The following AGFG2 variants were observed in gnomAD, a reference collection of about 807,000 sequenced individuals.
AGFG2 encodes ArfGAP with FG repeats 2.
In AGFG2, 31 loss-of-function variants were observed where a neutral mutation model predicts 48.0. That is an observed-to-expected ratio of 0.65 (90% confidence interval 0.49 to 0.87). AGFG2 has a LOEUF of 0.87. Among genes scored for constraint, AGFG2 ranks in the 40% least tolerant of loss-of-function variants. AGFG2 has a pLI of 0.00. For synonymous variants in AGFG2, 229 were observed against 260.8 expected, an observed-to-expected ratio of 0.88 and a Z score of 1.18; for missense variants, 599 against 632.6, an observed-to-expected ratio of 0.95 and a Z score of 0.57.
chr7:100,553,581 A>C (rs1383442307), intron 4 of AGFG2, 81 bp downstream of exon 4: 2 of 1,497,078 alleles, frequency 1.3e-6, no homozygotes, highest in African/African-American at 2.8e-5. Flanking sequence ...GATTCCCCGG[A>C]CTTAGCAGAC....
At chr7:100,556,497 G>T in intron 6 of AGFG2, 1 of 1,092,904 alleles carries the variant, frequency 9.1e-7, no homozygotes, top group Non-Finnish European at 1.2e-6. Flanking sequence ...TGCAGTGCTC[G>T]CCGTCAGGCT....
intron 11 of AGFG2, 27 bp downstream of exon 11, chr7:100,564,330 G>C (rs1168668330): frequency 4.4e-6 from 7 of 1,600,264 alleles, no homozygotes. Flanking sequence ...GGGTGCTGTG[G>C]TAGGGCTCGT....
intron 6 of AGFG2, chr7:100,556,189 C>A: frequency 4.9e-6 from 1 of 202,174 alleles, no homozygotes; most frequent in African/African-American, 2.3e-5. Flanking sequence ...ATGGCTCACG[C>A]CTGCAATCCT....
intron 6 of AGFG2, 168 bp downstream of exon 6, chr7:100,555,903 G>A (rs1800751191): frequency 1.1e-6 from 1 of 902,534 alleles, no homozygotes; most frequent in Admixed American, 2.7e-5. Context: ...TTCTTGTCAG[G>A]GAGAGGGGGC....
intron 3 of AGFG2, 145 bp from the exon 4 acceptor site, chr7:100,553,202 T>C (rs1562792787): frequency 2.9e-6 from 3 of 1,047,082 alleles, no homozygotes; most frequent in Non-Finnish European, 2.8e-6. Flanking sequence ...AGAACTTTGC[T>C]AAGTTGCTCG....
At chr7:100,555,787 C>T (rs1800748145) in intron 6 of AGFG2, 52 bp downstream of exon 6, 1 of 1,605,066 alleles carries the variant, frequency 6.2e-7, no homozygotes, top group African/African-American at 1.3e-5. Context: ...TCCATTTGTT[C>T]ATGTCTATAA....
rs1346477723 is a variant in AGFG2 at position 100,564,220 on chromosome 7, T to G, written c.1303T>G (p.Ser435Ala). 6.2e-7 allele frequency: 1 copy of G among 1,611,226 alleles called. No individual in the cohort carries two copies. The highest frequency in any genetic ancestry group is 1.7e-5 in the Admixed American group (1 of 59,686). The change falls in exon 11 of 12, where the codon TCT (serine) becomes GCT (alanine). Residue 435 changes from serine to alanine, a missense_variant and splice_region_variant. Coordinates refer to ENST00000300176, the MANE Select transcript of AGFG2 (RefSeq NM_006076.5). ...QTPLVQQQNG[S>A]SFGDLGSAKL... ...GAGTGACTGCTCTCGCCCCCTAGGC[T>G]CTTCCTTCGGGGACTTAGGATCAGC... is the stretch of plus-strand genomic sequence containing the variant.
rs1240377318 is a variant in AGFG2 at position 100,564,290 on chromosome 7, C to A, written c.1373C>A (p.Thr458Asn). The change falls in exon 11 of 12, where the codon ACC becomes AAC. Residue 458 changes from threonine (T) to asparagine (N), a missense_variant. Thr to Asn is a moderately conservative substitution (Grantham distance 65). Transcript: ENST00000300176. ...RPLSQPAGIS[T>N]NPFMTGPSSS... ...CTGAGCCAGCCAGCTGGGATCTCCA[C>A]CAACCCCTTCATGGTGAGTGTGCCA... The A allele has an allele frequency of 1.2e-6, 2 of 1,613,602 alleles. No homozygotes were observed. Among genetic ancestry groups the A allele is most frequent in the Non-Finnish European group, 1.7e-6 (2 of 1,179,860 alleles).
In AGFG2 at chr7:100,565,707, C is replaced by T. The variant is rs1163925699; in HGVS notation, c.*716C>T. The T allele has an allele frequency of 6.6e-6, 1 of 152,466 alleles. No homozygotes were observed. The highest frequency in any genetic ancestry group is 2.4e-5 in the African/African-American group (1 of 41,388). 9.4% of individuals were successfully genotyped at this position (152,466 alleles called of 1,614,324 possible). A position where few individuals can be genotyped will look rare whatever the true frequency, so the allele number is the denominator to read the frequency against. ...ATGCACATACATACATATATACACA[C>T]ACCCAGCCGATCTCCCGCTCCCAGA... On this transcript the variant is annotated 3_prime_UTR_variant, in exon 12 of 12. Coordinates refer to ENST00000300176, the MANE Select transcript of AGFG2 (RefSeq NM_006076.5).
chr7:100,559,118 G>A (rs1256508068), intron 6 of AGFG2, among the ~76,000 whole-genome samples: 2 of 152,108 alleles, frequency 1.3e-5, no homozygotes, highest in Non-Finnish European at 2.9e-5. Flanking sequence ...GACAGAGCAA[G>A]ACTCTGTCTC....
chr7:100,554,067 G>A (rs750685361), intron 4 of AGFG2, 26 bp from the exon 5 acceptor site: 4 of 1,603,580 alleles, frequency 2.5e-6, no homozygotes, highest in African/African-American at 2.7e-5. Flanking sequence ...GATTCTAAGG[G>A]CTGTATGCAT....
In AGFG2 at chr7:100,563,969, G is replaced by T; in HGVS notation, c.1300+7G>T. On this transcript the variant is annotated splice_region_variant and intron_variant, in intron 10 of 11. Transcript: ENST00000300176. ...CTTGTTCAGCAGCAGAATGGTAAGA[G>T]CTGTAGATGGACAAACCCTTTCACC... The T allele has an allele frequency of 6.2e-7, 1 of 1,605,920 alleles. No individual in the cohort carries two copies.
chr7:100,565,830 A>C lies in AGFG2; in HGVS notation c.*839A>C. On this transcript the variant is annotated 3_prime_UTR_variant, in exon 12 of 12. Coordinates refer to ENST00000300176, the MANE Select transcript of AGFG2 (RefSeq NM_006076.5). ...GGAGGGGGGGCAGCCATGTGTCCTG[A>C]CCCCCACCATCCCCAGAGCCTGGGT... 2 of 145,900 alleles carry C rather than the reference A, an allele frequency of 1.4e-5. No homozygotes were observed. The highest frequency in any genetic ancestry group is 2.6e-5 in the African/African-American group (1 of 38,912). The allele number at this position is 145,900 out of a possible 1,614,324, so 9.0% of individuals were successfully genotyped here.
At chr7:100,554,919 C>T (rs1010537325) in intron 5 of AGFG2, among the ~76,000 whole-genome samples, 3 of 123,164 alleles carry the variant, frequency 2.4e-5, no homozygotes, top group African/African-American at 9.6e-5. Context: ...GCCTAGGTGA[C>T]AGAGTGAGAC....
chr7:100,556,444 G>A (rs965631330), intron 6 of AGFG2: 2 of 454,030 alleles, frequency 4.4e-6, no homozygotes, highest in South Asian at 4.6e-5. Flanking sequence ...TAGCCTTTGG[G>A]TGCCTTCTGC....
Position 100,550,330 on chromosome 7 carries a change from A to T in AGFG2, c.316-66A>T, listed in dbSNP as rs12705078. The stretch of plus-strand genomic sequence containing the variant: ...CAAAAAAAAAAAAAAAAAAAAAAAA[A>T]GGAAGTGGTATTTTTTGTATTTCCT... On this transcript the variant is annotated intron_variant, in intron 2 of 11. Transcript: ENST00000300176. 1.3e-3 allele frequency: 982 copies of T among 770,038 alleles called. 8 individuals are homozygous for T. The highest frequency in any genetic ancestry group is 1.8e-3 in the Non-Finnish European group (865 of 476,096). The allele number at this position is 770,038 out of a possible 1,614,324, so 47.7% of individuals were successfully genotyped here. A position where few individuals can be genotyped will look rare whatever the true frequency, so the allele number is the denominator to read the frequency against.
chr7:100,553,504 ACT>A lies in AGFG2; in HGVS notation c.585+8_585+9del. On this transcript the variant is annotated splice_donor_5th_base_variant and intron_variant, in intron 4 of 11. Transcript: ENST00000300176. ...TGCTGCCTCCACCTCGAGCCAGGTAACTCTCAGATCTGCTCGTCATGTTTCTT... is the reference window on the plus strand; with the variant it reads ...TGCTGCCTCCACCTCGAGCCAGGTAACTCAGATCTGCTCGTCATGTTTCTT... 1 of 1,593,828 alleles carries A rather than the reference ACT, an allele frequency of 6.3e-7. No homozygotes were observed. The highest frequency in any genetic ancestry group is 8.6e-7 in the Non-Finnish European group (1 of 1,166,474).
At position 100,554,139 on chromosome 7, in the gene AGFG2, A is replaced by G. The variant is rs1800707715; in HGVS notation, c.632A>G (p.Gln211Arg). 1.2e-6 allele frequency: 2 copies of G among 1,614,024 alleles called. No individual in the cohort carries two copies. Among genetic ancestry groups the G allele is most frequent in the East Asian group, 2.2e-5 (1 of 44,896 alleles). ...HARTSQARST[Q>R]PPPHSSVKKA... ...CGGACATCCCAGGCCCGGAGCACTCAGCCACCTCCCCACTCCTCTGTCAAA... is the reference window on the plus strand; with the variant it reads ...CGGACATCCCAGGCCCGGAGCACTCGGCCACCTCCCCACTCCTCTGTCAAA... The change falls in exon 5 of 12, where the codon CAG becomes CGG. Residue 211 changes from glutamine to arginine, a missense_variant. Physicochemically the swap from Gln to Arg is conservative, Grantham distance 43. Coordinates refer to ENST00000300176, the MANE Select transcript of AGFG2 (RefSeq NM_006076.5).
chr7:100,557,339 CTATAA>C (rs1283068238), intron 6 of AGFG2, among the ~76,000 whole-genome samples: 2 of 152,254 alleles, frequency 1.3e-5, no homozygotes, highest in East Asian at 1.9e-4. Context: ...GACTAGGAGA[CTATAA>C]TATGCTTTCC....
Sources: allele counts gnomAD v4.1 joint callset (sites outside exome capture counted in the v4.1 genomes callset), GRCh38; gene constraint gnomAD v4.1.1; transcripts MANE v1.5; gene names NCBI Gene and HGNC (gene_info 2026-07-23, HGNC 2026-07-21).